BRINP1: variants seen among roughly 807,000 people sequenced by gnomAD.
BRINP1 encodes BMP/retinoic acid-inducible neural-specific protein 1.
In BRINP1, 17 loss-of-function variants were observed where a neutral mutation model predicts 72.9. The observed-to-expected ratio is 0.23, with a 90% CI of 0.16 to 0.35. The LOEUF is 0.35. BRINP1 is among the 10% of genes least tolerant of loss of function. The probability of loss-of-function intolerance (pLI) is 1.00; values close to 1 mark genes in which losing one functional copy is unlikely to be tolerated. For missense variants in BRINP1, 850 were observed against 1,001.6 expected, an observed-to-expected ratio of 0.85 and a Z score of 2.04; for synonymous variants, 418 against 378.5, an observed-to-expected ratio of 1.10 and a Z score of -1.21.
chr9:119,227,484 G>T (rs890986235), intron 5 of BRINP1, among the ~76,000 whole-genome samples: 2 of 151,996 alleles, frequency 1.3e-5, no homozygotes, highest in Admixed American at 1.3e-4. Context: ...CAGCTAGCTG[G>T]GTGGAAATCA....
intron 7 of BRINP1, among the ~76,000 whole-genome samples, chr9:119,190,466 A>T (rs1829672345): frequency 6.6e-6 from 1 of 151,782 alleles, no homozygotes; most frequent in Non-Finnish European, 1.5e-5. Context: ...ATGAAAGTGG[A>T]GACACTACAA....
At chr9:119,215,040 C>T (rs915925765) in intron 5 of BRINP1, among the ~76,000 whole-genome samples, 2 of 152,004 alleles carry the variant, frequency 1.3e-5, no homozygotes, top group East Asian at 1.9e-4. Flanking sequence ...TTGAAGGGTA[C>T]GAGTAACATA....
rs149722040 is a variant in BRINP1, at chr9:119,240,801, G to T, written c.579+1246C>A. Among the ~76,000 whole-genome samples the T allele has an allele frequency of 1.0e-3, 154 of 152,168 alleles. 1 individual carries two copies. Among genetic ancestry groups the T allele is most frequent in the African/African-American group, 3.4e-3 (141 of 41,508 alleles). On this transcript the variant is annotated intron_variant, in intron 4 of 7. Coordinates refer to ENST00000265922, the MANE Select transcript of BRINP1 (RefSeq NM_014618.3). ...ATTTCTGACTCATCTGCCAGCCTTG[G>T]CAGGGTAAGACCCCTTGGCCTTATC...
At chr9:119,341,007 T>C (rs1283884942) in intron 1 of BRINP1, among the ~76,000 whole-genome samples, 1 of 152,198 alleles carries the variant, frequency 6.6e-6, no homozygotes, top group African/African-American at 2.4e-5. Flanking sequence ...GGCTCTCTTC[T>C]AAGGGTTAAG....
chr9:119,338,681 G>C lies in BRINP1; in HGVS notation c.-50-25276C>G, dbSNP rs377370952. Among the ~76,000 whole-genome samples the C allele has an allele frequency of 8.3e-5, 12 of 144,986 alleles. No individual in the cohort carries two copies. The South Asian group carries it at 2.4e-3, about 29-fold the overall frequency. On this transcript the variant is annotated intron_variant, in intron 1 of 7. Transcript: ENST00000265922. ...AGGTCAGAAGATCGAGACCATCCTG[G>C]CTAACATGGTGAAACCCCATCTCTA...
chr9:119,168,220 T>A lies in BRINP1; in HGVS notation c.1150A>T (p.Ile384Phe). ...PNHQLPRERT[I>F]QQWLARVQSL... ...TGGACCCTTGCAAGCCACTGCTGAA[T>A]TGTCCTGGGAGATAAAGGAAAATTG... The change falls in exon 8 of 8, where the codon ATT becomes TTT. Residue 384 changes from isoleucine (I) to phenylalanine (F), a missense_variant. Transcript: ENST00000265922. The A allele has an allele frequency of 2.0e-6, 3 of 1,508,796 alleles. No individual in the cohort carries two copies. Among genetic ancestry groups the A allele is most frequent in the Non-Finnish European group, 2.7e-6 (3 of 1,130,814 alleles). The allele number at this position is 1,508,796 out of a possible 1,614,324, so 93.5% of individuals were successfully genotyped here.
chr9:119,320,262 C>G (rs957606271), intron 1 of BRINP1, among the ~76,000 whole-genome samples: 1 of 152,080 alleles, frequency 6.6e-6, no homozygotes, highest in Admixed American at 6.5e-5. Flanking sequence ...GGCAGCTGAT[C>G]GCCCATCTCT....
chr9:119,275,807 C>T lies in BRINP1; in HGVS notation c.219-26657G>A, dbSNP rs150857147. Among the ~76,000 whole-genome samples the T allele has an allele frequency of 4.2e-4, 64 of 152,256 alleles. No homozygotes were observed. In the East Asian group the frequency reaches 0.012, roughly 29 times the overall value. On this transcript the variant is annotated intron_variant, in intron 2 of 7. Transcript: ENST00000265922. ...CTAATGGCTCATATGGTATATGATA[C>T]AGGCATATCAAAATCAAGCCTATTA...
rs144791296 is a variant in BRINP1 at position 119,318,841 on chromosome 9, T to TG, written c.-50-5437dup. Among the ~76,000 whole-genome samples the TG allele has an allele frequency of 9.6e-3, 1,105 of 114,794 alleles. 12 individuals carry two copies. The highest frequency in any genetic ancestry group is 0.022 in the African/African-American group (651 of 29,890). The allele number at this position is 114,794 out of a possible 152,430, so 75.3% of individuals were successfully genotyped here. On this transcript the variant is annotated intron_variant, in intron 1 of 7. Coordinates refer to ENST00000265922, the MANE Select transcript of BRINP1 (RefSeq NM_014618.3). The stretch of plus-strand genomic sequence containing the variant: ...AGGTCATACATGGAAGAGAAATGTG[T>TG]GGGGTGTGTGTGTGTGTGTGTGTGT...
At chr9:119,209,050 A>AT (rs930921449) in intron 6 of BRINP1, 109 bp from the exon 7 acceptor site, 525 of 879,714 alleles carry the variant, frequency 6.0e-4, no homozygotes, top group Non-Finnish European at 7.3e-4. Context: ...TGCAAACATA[A>AT]TTTTTTTTTC....
At chr9:119,247,740 T>G (rs1830338977) in intron 3 of BRINP1, among the ~76,000 whole-genome samples, 1 of 149,318 alleles carries the variant, frequency 6.7e-6, no homozygotes, top group African/African-American at 2.5e-5. Context: ...TGGAAAACAC[T>G]CACTTAAAAA....
At chr9:119,329,756 G>A (rs1005566818) in intron 1 of BRINP1, among the ~76,000 whole-genome samples, 3 of 152,182 alleles carry the variant, frequency 2.0e-5, no homozygotes, top group East Asian at 3.9e-4. Context: ...ATAATTCACT[G>A]AGCCCTCAAA....
chr9:119,278,257 C>T (rs1830675231), intron 2 of BRINP1, among the ~76,000 whole-genome samples: 1 of 152,184 alleles, frequency 6.6e-6, no homozygotes, highest in African/African-American at 2.4e-5. Flanking sequence ...TGGATCCCCT[C>T]TTCGCCTCCC....
rs567023285 is a variant in BRINP1 at position 119,280,301 on chromosome 9, C to T, written c.219-31151G>A. Reference sequence around the variant, plus strand: ...TCGCCCAGGCTGGAGTGCAGTGGTGCGATCTCGGCTCACTGCAAGCTCCCT... The same window carrying T: ...TCGCCCAGGCTGGAGTGCAGTGGTGTGATCTCGGCTCACTGCAAGCTCCCT... On this transcript the variant is annotated intron_variant, in intron 2 of 7. Transcript: ENST00000265922. Among the ~76,000 whole-genome samples the T allele has an allele frequency of 5.4e-4, 81 of 151,148 alleles. 1 individual carries two copies. Among genetic ancestry groups the T allele is most frequent in the African/African-American group, 1.8e-3 (75 of 41,154 alleles).
chr9:119,264,922 T>C (rs1830533250), intron 2 of BRINP1, among the ~76,000 whole-genome samples: 3 of 152,158 alleles, frequency 2.0e-5, no homozygotes, highest in South Asian at 4.1e-4. Flanking sequence ...CTGCCTGCCT[T>C]GGCCTCCCCA....
intron 5 of BRINP1, among the ~76,000 whole-genome samples, chr9:119,215,133 T>C (rs1230240615): frequency 1.3e-5 from 2 of 152,186 alleles, no homozygotes; most frequent in African/African-American, 4.8e-5. Flanking sequence ...GATAATTAAT[T>C]TTCTCTTCTT....
intron 7 of BRINP1, among the ~76,000 whole-genome samples, chr9:119,207,060 A>T (rs1481206431): frequency 6.6e-6 from 1 of 152,196 alleles, no homozygotes; most frequent in Non-Finnish European, 1.5e-5. Context: ...TACAAGGAGG[A>T]GGTTTCATAA....
intron 5 of BRINP1, among the ~76,000 whole-genome samples, chr9:119,237,346 C>CATTATT (rs34106507): frequency 0.011 from 1,638 of 145,052 alleles, 20 homozygotes; most frequent in African/African-American, 0.035. Flanking sequence ...TTTCTTGCTA[C>CATTATT]ATTATTATTA....
chr9:119,327,912 A>G (rs1011876502), intron 1 of BRINP1, among the ~76,000 whole-genome samples: 5 of 151,352 alleles, frequency 3.3e-5, no homozygotes, highest in African/African-American at 4.8e-5. Flanking sequence ...CCTTGAGAGA[A>G]AAAAAAAAGA....
Sources: allele counts gnomAD v4.1 joint callset (sites outside exome capture counted in the v4.1 genomes callset), GRCh38; gene constraint gnomAD v4.1.1; transcripts MANE v1.5; gene names NCBI Gene and HGNC (gene_info 2026-07-23, HGNC 2026-07-21).